RELN: variants seen among roughly 807,000 people sequenced by gnomAD.
The protein encoded by RELN is reelin.
A neutral mutation model predicts 427.6 loss-of-function variants in RELN; 108 were observed. The observed-to-expected ratio is 0.25, with a 90% CI of 0.22 to 0.30. RELN has a LOEUF of 0.30. Ranked by LOEUF, RELN falls within the 10% of genes least tolerant of loss-of-function variation. The probability of loss-of-function intolerance (pLI) is 1.00; values close to 1 mark genes in which losing one functional copy is unlikely to be tolerated. For missense variants in RELN, 3,715 were observed against 4,302.8 expected, an observed-to-expected ratio of 0.86 and a Z score of 3.82; for synonymous variants, 1,524 against 1,513.4, an observed-to-expected ratio of 1.01 and a Z score of -0.16.
chr7:103,684,449 T>C (rs1833721263), intron 10 of RELN, among the ~76,000 whole-genome samples: 1 of 152,182 alleles, frequency 6.6e-6, no homozygotes, highest in East Asian at 1.9e-4. Flanking sequence ...CTTCCTTGGT[T>C]AGGCATTGCT....
At chr7:103,789,333 G>A (rs1362354932) in intron 3 of RELN, among the ~76,000 whole-genome samples, 1 of 152,118 alleles carries the variant, frequency 6.6e-6, no homozygotes, top group Non-Finnish European at 1.5e-5. Context: ...AGCCAAAATT[G>A]ATAAATGGGA....
chr7:103,582,464 A>G (rs1831174096), intron 28 of RELN, among the ~76,000 whole-genome samples: 1 of 152,262 alleles, frequency 6.6e-6, no homozygotes, highest in South Asian at 2.1e-4. Flanking sequence ...CTAGCATATA[A>G]GGACAAATAA....
At chr7:103,509,284 G>C (rs938084222) in intron 51 of RELN, among the ~76,000 whole-genome samples, 1 of 152,104 alleles carries the variant, frequency 6.6e-6, no homozygotes, top group Non-Finnish European at 1.5e-5. Flanking sequence ...AAAACAGCAT[G>C]GTACTGGTAC....
chr7:103,796,838 C>T (rs1792309751), intron 3 of RELN, among the ~76,000 whole-genome samples: 1 of 140,394 alleles, frequency 7.1e-6, no homozygotes, highest in Admixed American at 7.9e-5. Flanking sequence ...TGCAGCCCAG[C>T]CCAGGCAACA....
intron 10 of RELN, among the ~76,000 whole-genome samples, chr7:103,686,728 T>C (rs187638774): frequency 1.3e-5 from 2 of 152,190 alleles, no homozygotes; most frequent in Non-Finnish European, 2.9e-5. Context: ...TCTTTTACTA[T>C]GCTATACCCA....
At chr7:103,551,928 TGTGTGTGTGG>T (rs1283388000) in intron 40 of RELN, among the ~76,000 whole-genome samples, 1 of 145,698 alleles carries the variant, frequency 6.9e-6, no homozygotes, top group South Asian at 2.3e-4. Flanking sequence ...ACCTTCTGTG[TGTGTGTGTGG>T]GTGTGTGTGT....
chr7:103,533,189 G>A (rs1413049687), intron 46 of RELN, among the ~76,000 whole-genome samples: 1 of 152,210 alleles, frequency 6.6e-6, no homozygotes, highest in Non-Finnish European at 1.5e-5. Context: ...CAAGGCTGCA[G>A]TTGTGACATG....
intron 1 of RELN, among the ~76,000 whole-genome samples, chr7:103,961,482 A>G (rs1796552469): frequency 6.6e-6 from 1 of 152,258 alleles, no homozygotes; most frequent in Admixed American, 6.5e-5. Context: ...AAGTGAAATG[A>G]GTAATTCACT....
chr7:103,482,349 T>A (rs1021563479), intron 63 of RELN: 33 of 168,302 alleles, frequency 2.0e-4, no homozygotes, highest in Admixed American at 6.7e-4. Flanking sequence ...GTGACAGCTT[T>A]ATTATATAAA....
chr7:103,987,589 C>T (rs17157903), intron 1 of RELN, among the ~76,000 whole-genome samples: 20,671 of 152,160 alleles, frequency 0.14, 1,487 homozygotes, highest in Middle Eastern at 0.28. Context: ...ACCGTTCTCA[C>T]TGAGAGATCA....
Position 103,953,151 on chromosome 7 carries a change from G to C in RELN, c.227-35966C>G, listed in dbSNP as rs1448062684. ...CACTTCAAAGAGATATTTGCTCCAAGATCAGCACCACAGGGGAAAAATCAG... is the reference window on the plus strand; with the variant it reads ...CACTTCAAAGAGATATTTGCTCCAACATCAGCACCACAGGGGAAAAATCAG... On this transcript the variant is annotated intron_variant, in intron 1 of 64. Coordinates refer to ENST00000428762, the MANE Select transcript of RELN (RefSeq NM_005045.4). The surrounding 1 kb of genome is among the most constrained non-coding windows in gnomAD (Gnocchi z 4.3). Among the ~76,000 whole-genome samples, 3 of 152,116 alleles carry C rather than the reference G, an allele frequency of 2.0e-5. No individual in the cohort carries two copies. Among genetic ancestry groups the C allele is most frequent in the Non-Finnish European group, 4.4e-5 (3 of 68,036 alleles).
At chr7:103,639,794 G>A (rs1220178510) in intron 17 of RELN, among the ~76,000 whole-genome samples, 2 of 151,912 alleles carry the variant, frequency 1.3e-5, no homozygotes, top group East Asian at 3.9e-4. Context: ...TTGTTGGAGG[G>A]ACAAGAAAAA....
chr7:103,821,564 C>A (rs968934963), intron 3 of RELN, among the ~76,000 whole-genome samples: 1 of 152,084 alleles, frequency 6.6e-6, no homozygotes, highest in East Asian at 1.9e-4. Flanking sequence ...AATACTTTAG[C>A]TTTTATCCTC....
At chr7:103,889,821 A>G (rs759413941) in intron 2 of RELN, among the ~76,000 whole-genome samples, 2 of 152,120 alleles carry the variant, frequency 1.3e-5, no homozygotes, top group Non-Finnish European at 2.9e-5. Flanking sequence ...CAACCCTAAA[A>G]TCCTAGCATA....
chr7:103,482,822 A>G (rs772057842), intron 63 of RELN, 51 bp downstream of exon 63: 42 of 1,613,716 alleles, frequency 2.6e-5, no homozygotes, highest in Non-Finnish European at 3.4e-5. Context: ...TATCAAAGGA[A>G]TTTCAAACCT....
chr7:103,708,149 A>T (rs1323813371), intron 8 of RELN, among the ~76,000 whole-genome samples: 4 of 152,228 alleles, frequency 2.6e-5, no homozygotes, highest in Non-Finnish European at 5.9e-5. Context: ...GGTATCATTT[A>T]GAAAAAATAG....
intron 50 of RELN, 116 bp downstream of exon 50, chr7:103,515,069 G>A (rs557353709): frequency 3.5e-5 from 46 of 1,303,562 alleles, no homozygotes; most frequent in African/African-American, 3.5e-4. Flanking sequence ...CCTTTTCAGC[G>A]TTTCTACACC....
chr7:103,602,828 TA>T (rs199771778), intron 24 of RELN, among the ~76,000 whole-genome samples: 4 of 151,178 alleles, frequency 2.6e-5, no homozygotes, highest in African/African-American at 9.7e-5. Flanking sequence ...CTTAAATAAT[TA>T]AAAAAAAATC....
intron 1 of RELN, among the ~76,000 whole-genome samples, chr7:103,962,111 T>C (rs1463476307): frequency 6.6e-6 from 1 of 152,182 alleles, no homozygotes; most frequent in Admixed American, 6.5e-5. Context: ...TCTCTAGTAC[T>C]GTCAATGAAC....
Sources: gnomAD v4.1 joint callset for allele counts (sites outside exome capture counted in the v4.1 genomes callset) on GRCh38, gnomAD v4.1.1 for gene constraint, Gnocchi (gnomAD v3.1) non-coding constraint, MANE v1.5 for transcripts, NCBI Gene and HGNC (gene_info 2026-07-23, HGNC 2026-07-21) for gene names.